The following POLA1 variants were observed in gnomAD, a reference collection of about 807,000 sequenced individuals.
POLA1 encodes the protein DNA polymerase alpha catalytic subunit.
POLA1 carries 15 observed loss-of-function variants against 124.0 expected under a neutral mutation model. The observed-to-expected ratio is 0.12, with a 90% CI of 0.08 to 0.19. The LOEUF (loss-of-function observed/expected upper bound fraction) is 0.19, where lower values mean the gene tolerates loss of function less well. POLA1 is among the 10% of genes least tolerant of loss of function. The pLI, the probability that POLA1 is intolerant of heterozygous loss-of-function variation, is 1.00. For missense variants in POLA1, 886 were observed against 1,103.4 expected (o/e 0.80, Z 2.79); for synonymous variants, 408 against 389.4 (o/e 1.05, Z -0.56).
intron 35 of POLA1, among the ~76,000 whole-genome samples, chrX:24,899,188 TC>T (rs765285832): frequency 1.4e-4 from 16 of 111,994 alleles, no homozygotes; most frequent in Non-Finnish European, 2.8e-4. Flanking sequence ...GCTATTAAGA[TC>T]CGTGTGCTAT....
At chrX:24,895,826 G>T (rs1206792957) in intron 35 of POLA1, among the ~76,000 whole-genome samples, 1 of 112,614 alleles carries the variant, frequency 8.9e-6, no homozygotes, top group Non-Finnish European at 1.9e-5. Context: ...CAAAACGGTG[G>T]ATAGATGCCT....
intron 36 of POLA1, among the ~76,000 whole-genome samples, chrX:24,984,992 G>A (rs1378448165): frequency 9.0e-6 from 1 of 111,345 alleles, no homozygotes; most frequent in Non-Finnish European, 1.9e-5. Context: ...GCAGGCTGGA[G>A]AGTAGGAGTT....
intron 36 of POLA1, among the ~76,000 whole-genome samples, chrX:24,983,490 G>T (rs1025275767): frequency 8.9e-6 from 1 of 111,756 alleles, no homozygotes; most frequent in Non-Finnish European, 1.9e-5. Flanking sequence ...CAATTTATTT[G>T]CCAGTGAAAG....
rs755966974 is a variant in POLA1 at position 24,735,381 on chromosome X, T to C, written c.1834-18T>C. The C allele has an allele frequency of 9.4e-7, 1 of 1,063,447 alleles. No individual in the cohort carries two copies. The highest frequency in any genetic ancestry group is 1.3e-6 in the Non-Finnish European group (1 of 760,538). The allele number at this position is 1,063,447 out of a possible 1,213,427, so 87.6% of individuals were successfully genotyped here. A position where few individuals can be genotyped will look rare whatever the true frequency, so the allele number is the denominator to read the frequency against. ...ACAGTAAAGAGTCGTCAGTGACTGG[T>C]GTGTTTTTATCTAACAGAATGTGAA... On this transcript the variant is annotated intron_variant, in intron 17 of 36. Transcript: ENST00000379068.
chrX:24,751,613 G>A (rs748017249), intron 26 of POLA1, among the ~76,000 whole-genome samples: 3 of 111,724 alleles, frequency 2.7e-5, no homozygotes, highest in Non-Finnish European at 5.6e-5. Context: ...TAATAATTAC[G>A]CAGTTTCTCC....
intron 32 of POLA1, among the ~76,000 whole-genome samples, chrX:24,838,748 G>A (rs2046373403): frequency 8.9e-6 from 1 of 112,348 alleles, no homozygotes; most frequent in Non-Finnish European, 1.9e-5. Flanking sequence ...ATTTTGGAGT[G>A]ACAACAATTA....
intron 17 of POLA1, among the ~76,000 whole-genome samples, chrX:24,734,638 A>G (rs1931154004): frequency 9.0e-6 from 1 of 110,946 alleles, no homozygotes; most frequent in African/African-American, 3.3e-5. Context: ...TTTTTTTGAG[A>G]CGGAGTCCCG....
At chrX:24,704,549 T>TA (rs1220113273) in intron 4 of POLA1, 80 bp downstream of exon 4, 3 of 633,923 alleles carry the variant, frequency 4.7e-6, no homozygotes, top group African/African-American at 4.4e-5. Context: ...GATACTCTGA[T>TA]AGTTTACCTT....
intron 29 of POLA1, among the ~76,000 whole-genome samples, chrX:24,814,627 A>G (rs1050693730): frequency 8.9e-6 from 1 of 112,172 alleles, no homozygotes; most frequent in African/African-American, 3.2e-5. Context: ...CTAAAATTTT[A>G]TCTTATGAGG....
intron 35 of POLA1, among the ~76,000 whole-genome samples, chrX:24,920,818 A>G (rs1207183042): frequency 1.8e-5 from 2 of 112,256 alleles, no homozygotes; most frequent in African/African-American, 6.5e-5. Flanking sequence ...ATCATGCTGA[A>G]CTTCATTAAG....
chrX:24,726,233 C>T (rs984601250), intron 13 of POLA1, among the ~76,000 whole-genome samples, 178 bp downstream of exon 13: 3 of 112,429 alleles, frequency 2.7e-5, no homozygotes, highest in Non-Finnish European at 3.8e-5. Context: ...AGTATATAGA[C>T]TACAGGTTAC....
At chrX:24,888,938 C>T (rs185778454) in intron 35 of POLA1, among the ~76,000 whole-genome samples, 71 of 109,678 alleles carry the variant, frequency 6.5e-4, no homozygotes, top group African/African-American at 2.1e-3. Flanking sequence ...GGCGGGATCT[C>T]GGCTCACTGC....
intron 36 of POLA1, among the ~76,000 whole-genome samples, chrX:24,989,346 C>G (rs954072596): frequency 4.9e-4 from 55 of 111,771 alleles, no homozygotes; most frequent in Non-Finnish European, 1.5e-4. Flanking sequence ...TCCCAACCCC[C>G]TAACCCCCCT....
At chrX:24,825,002 T>G (rs1199506961) in intron 31 of POLA1, among the ~76,000 whole-genome samples, 1 of 111,669 alleles carries the variant, frequency 9.0e-6, no homozygotes. Flanking sequence ...GTAGACCAAT[T>G]TTTCATAATT....
chrX:24,956,540 A>G (rs1178723442), intron 36 of POLA1, among the ~76,000 whole-genome samples: 1 of 110,366 alleles, frequency 9.1e-6, no homozygotes, highest in Admixed American at 9.7e-5. Flanking sequence ...AGACTCCCTG[A>G]CCAAAGAAGT....
intron 32 of POLA1, among the ~76,000 whole-genome samples, chrX:24,831,918 A>T (rs997742217): frequency 2.4e-4 from 27 of 111,674 alleles, no homozygotes; most frequent in African/African-American, 7.8e-4. Context: ...TTAATTGAAG[A>T]CCTGCTGTGC....
intron 17 of POLA1, 111 bp from the exon 18 acceptor site, chrX:24,735,288 G>A: frequency 2.2e-6 from 1 of 458,963 alleles, no homozygotes; most frequent in Admixed American, 3.4e-5. Context: ...TTTTGAAATG[G>A]ATGGTTTCTT....
At chrX:24,772,781 C>T (rs1436820222) in intron 26 of POLA1, among the ~76,000 whole-genome samples, 1 of 111,405 alleles carries the variant, frequency 9.0e-6, no homozygotes, top group Non-Finnish European at 1.9e-5. Flanking sequence ...GTGGTGCTTC[C>T]TCAAAGACCT....
chrX:24,700,198 T>C (rs889801705), intron 2 of POLA1, among the ~76,000 whole-genome samples: 1 of 109,139 alleles, frequency 9.2e-6, no homozygotes, highest in Middle Eastern at 4.6e-3. Flanking sequence ...ACTGATAGAC[T>C]TTTTGAACTA....
Sources: allele counts gnomAD v4.1 joint callset (sites outside exome capture counted in the v4.1 genomes callset), GRCh38; gene constraint gnomAD v4.1.1; transcripts MANE v1.5; gene names NCBI Gene and HGNC (gene_info 2026-07-23, HGNC 2026-07-21).